The following PTPRE variants were observed in gnomAD, a reference collection of about 807,000 sequenced individuals.
PTPRE encodes the protein receptor-type tyrosine-protein phosphatase epsilon.
PTPRE carries 51 observed loss-of-function variants against 102.0 expected under a neutral mutation model. That is an observed-to-expected ratio of 0.50 (90% CI 0.40 to 0.63). The LOEUF (loss-of-function observed/expected upper bound fraction) is 0.63, where lower values mean the gene tolerates loss of function less well. Ranked by LOEUF, PTPRE falls within the 30% of genes least tolerant of loss-of-function variation. The pLI is 0.00. For synonymous variants in PTPRE, 345 were observed against 348.2 expected, an observed-to-expected ratio of 0.99 and a Z score of 0.10; for missense variants, 752 against 915.1, an observed-to-expected ratio of 0.82 and a Z score of 2.30.
In PTPRE at chr10:127,941,374, C is replaced by T. The variant is rs548365148; in HGVS notation, c.-31+34065C>T. On this transcript the variant is annotated intron_variant, in intron 1 of 20. Coordinates refer to ENST00000254667, the MANE Select transcript of PTPRE (RefSeq NM_006504.6). ...CTGACACAGTAGCCCCAGGAGGTGT[C>T]ACAAATGCAAGAGTCAGGCAGGTGT... is the stretch of plus-strand genomic sequence containing the variant. Among the ~76,000 whole-genome samples the T allele has an allele frequency of 4.6e-5, 7 of 152,276 alleles. No homozygotes were observed. The East Asian group carries it at 1.4e-3, about 29-fold the overall frequency.
intron 1 of PTPRE, among the ~76,000 whole-genome samples, chr10:127,960,835 T>G (rs556230262): frequency 6.6e-6 from 1 of 151,952 alleles, no homozygotes; most frequent in Admixed American, 6.6e-5. Context: ...CATCCTAACA[T>G]GGTGAAACCC....
At chr10:127,928,934 A>C (rs1458662372) in intron 1 of PTPRE, among the ~76,000 whole-genome samples, 1 of 152,254 alleles carries the variant, frequency 6.6e-6, no homozygotes, top group Non-Finnish European at 1.5e-5. Flanking sequence ...TAGCTACGGA[A>C]AGCGAATGTC....
intron 1 of PTPRE, among the ~76,000 whole-genome samples, chr10:127,957,090 G>A (rs1849457390): frequency 6.6e-6 from 1 of 152,082 alleles, no homozygotes; most frequent in Non-Finnish European, 1.5e-5. Flanking sequence ...GAGGTTCAAT[G>A]TATCAATTCT....
chr10:127,956,981 C>T (rs1268491776), intron 1 of PTPRE, among the ~76,000 whole-genome samples: 1 of 151,924 alleles, frequency 6.6e-6, no homozygotes, highest in African/African-American at 2.4e-5. Flanking sequence ...AATCCTTTAT[C>T]AGATATGTTC....
rs903219671 is a variant in PTPRE at position 128,074,817 on chromosome 10, T to A, written c.1599+1346T>A. ...AACTCTATGTCATAAACTTACTGTT[T>A]AACATTTTTGAGGACCTGCCAGACT... On this transcript the variant is annotated intron_variant, in intron 17 of 20. Transcript: ENST00000254667. 2.0e-5 allele frequency among the ~76,000 whole-genome samples: 3 copies of A among 152,204 alleles called. No homozygotes were observed. The East Asian group carries it at 5.8e-4, about 29-fold the overall frequency.
intron 1 of PTPRE, among the ~76,000 whole-genome samples, chr10:127,915,724 A>G (rs2135150940): frequency 6.6e-6 from 1 of 152,316 alleles, no homozygotes; most frequent in East Asian, 1.9e-4. Flanking sequence ...TTTTCATCAA[A>G]TGTAAATAGT....
chr10:128,026,407 C>T (rs1213951165), intron 2 of PTPRE, among the ~76,000 whole-genome samples: 1 of 152,212 alleles, frequency 6.6e-6, no homozygotes, highest in South Asian at 2.1e-4. Flanking sequence ...GACCTCTCCC[C>T]AGTCTGTCTT....
chr10:128,039,708 T>C (rs115323994), intron 2 of PTPRE, among the ~76,000 whole-genome samples: 3,403 of 151,962 alleles, frequency 0.022, 144 homozygotes, highest in African/African-American at 0.078. Context: ...ATGGGTCCAT[T>C]TGCATCCCTG....
intron 2 of PTPRE, among the ~76,000 whole-genome samples, chr10:128,031,688 A>C (rs1301842945): frequency 6.6e-6 from 1 of 152,140 alleles, no homozygotes; most frequent in Non-Finnish European, 1.5e-5. Flanking sequence ...CATCAGTCGG[A>C]CCTGAGCAAG....
intron 20 of PTPRE, among the ~76,000 whole-genome samples, chr10:128,080,578 G>GCTC (rs1202062034): frequency 7.9e-5 from 12 of 152,330 alleles, no homozygotes; most frequent in Admixed American, 4.6e-4. Flanking sequence ...GGGACTCACA[G>GCTC]CTCTCATTAA....
chr10:128,036,740 T>C (rs1020602722), intron 2 of PTPRE, among the ~76,000 whole-genome samples: 14 of 152,272 alleles, frequency 9.2e-5, no homozygotes, highest in African/African-American at 3.4e-4. Flanking sequence ...CTCCTTTCCA[T>C]TCCCATTGCC....
At chr10:127,980,831 A>G (rs189523890) in intron 1 of PTPRE, among the ~76,000 whole-genome samples, 21 of 152,340 alleles carry the variant, frequency 1.4e-4, no homozygotes, top group Non-Finnish European at 2.8e-4. Flanking sequence ...TAAAATATCT[A>G]GTTTTGTCAG....
intron 12 of PTPRE, 113 bp downstream of exon 12, chr10:128,068,399 G>A (rs1850470356): frequency 3.2e-6 from 4 of 1,241,408 alleles, no homozygotes; most frequent in Non-Finnish European, 4.4e-6. Flanking sequence ...GGTTTGGGCA[G>A]GGCTGATGTG....
intron 1 of PTPRE, among the ~76,000 whole-genome samples, chr10:127,931,186 C>T (rs1423148901): frequency 6.6e-6 from 1 of 152,160 alleles, no homozygotes; most frequent in Non-Finnish European, 1.5e-5. Context: ...TAGTGACTCA[C>T]AGTGTCCAGT....
rs61729689 is a variant in PTPRE at position 127,952,605 on chromosome 10, C to T, written c.-30-29669C>T. Among the ~76,000 whole-genome samples the T allele has an allele frequency of 2.4e-3, 372 of 152,190 alleles. 4 individuals carry two copies. Among genetic ancestry groups the T allele is most frequent in the African/African-American group, 7.7e-3 (320 of 41,504 alleles). ...CAGCCCCTACCCAACAATCAATAGGCGATGTCCAGGAAGATTGTAAACCCA... is the reference window on the plus strand; with the variant it reads ...CAGCCCCTACCCAACAATCAATAGGTGATGTCCAGGAAGATTGTAAACCCA... On this transcript the variant is annotated intron_variant, in intron 1 of 20. Coordinates refer to ENST00000254667, the MANE Select transcript of PTPRE (RefSeq NM_006504.6).
At chr10:128,052,797 A>G (rs1447709477) in intron 6 of PTPRE, among the ~76,000 whole-genome samples, 1 of 152,226 alleles carries the variant, frequency 6.6e-6, no homozygotes, top group Non-Finnish European at 1.5e-5. Context: ...CAAAGCTTCC[A>G]GCACAACAAA....
intron 2 of PTPRE, among the ~76,000 whole-genome samples, chr10:127,994,345 C>G (rs553125898): frequency 6.6e-6 from 1 of 152,180 alleles, no homozygotes. Flanking sequence ...GTTACCTATC[C>G]AACTTCCAGC....
chr10:128,049,478 G>C, intron 5 of PTPRE, 52 bp from the exon 6 acceptor site: 1 of 1,598,540 alleles, frequency 6.3e-7, no homozygotes, highest in Non-Finnish European at 8.5e-7. Flanking sequence ...TTACTCAGTC[G>C]CCTATCCAGG....
intron 10 of PTPRE, among the ~76,000 whole-genome samples, chr10:128,065,030 G>A (rs1026878623): frequency 1.8e-4 from 27 of 152,260 alleles, no homozygotes; most frequent in Admixed American, 1.3e-3. Flanking sequence ...CTCCCCATAG[G>A]GCCAAGACTC....
Sources: allele counts gnomAD v4.1 joint callset (sites outside exome capture counted in the v4.1 genomes callset), GRCh38; gene constraint gnomAD v4.1.1; transcripts MANE v1.5; gene names NCBI Gene and HGNC (gene_info 2026-07-23, HGNC 2026-07-21).